The following TRAF3IP1 variants were observed in gnomAD, a reference collection of about 807,000 sequenced individuals.
TRAF3IP1 encodes TRAF3-interacting protein 1.
Under a neutral mutation model 89.9 loss-of-function variants are expected in TRAF3IP1, and 53 were observed. The ratio of observed to expected loss-of-function variants is 0.59; its 90% confidence interval spans 0.47 to 0.74. The LOEUF (loss-of-function observed/expected upper bound fraction) is 0.74, where lower values mean the gene tolerates loss of function less well. Ranked by LOEUF, TRAF3IP1 falls within the 30% of genes least tolerant of loss-of-function variation. TRAF3IP1 has a pLI of 0.00. For synonymous variants in TRAF3IP1, 311 were observed against 322.1 expected (o/e 0.97, Z 0.37); for missense variants, 806 against 866.1 (o/e 0.93, Z 0.87).
chr2:238,348,893 C>A, intron 11 of TRAF3IP1, 45 bp downstream of exon 11: 1 of 1,501,350 alleles, frequency 6.7e-7, no homozygotes, highest in Non-Finnish European at 9.3e-7. Flanking sequence ...GTGATCACAC[C>A]TAGGACACTG....
intron 15 of TRAF3IP1, among the ~76,000 whole-genome samples, chr2:238,364,066 CTCTG>C (rs1452626979): frequency 1.3e-5 from 2 of 152,178 alleles, no homozygotes; most frequent in Non-Finnish European, 2.9e-5. Flanking sequence ...CTTATTTTCT[CTCTG>C]TCTCATTAAA....
chr2:238,343,205 C>T (rs1312781879), intron 8 of TRAF3IP1, among the ~76,000 whole-genome samples: 1 of 152,072 alleles, frequency 6.6e-6, no homozygotes, highest in Non-Finnish European at 1.5e-5. Flanking sequence ...CCTGCCTTAG[C>T]CTCCCGAGTG....
At position 238,328,809 on chromosome 2, in the gene TRAF3IP1, A is replaced by G. The variant is rs529591562; in HGVS notation, c.478A>G (p.Arg160Gly). Residue 160 changes from arginine to glycine, a missense_variant, in exon 4 of 17, where the codon AGA becomes GGA. This residue lies in a region of TRAF3IP1 where 732 missense variants were observed against 780.5 expected (regional missense o/e 0.94). Transcript: ENST00000373327. ...DNKNVREEES[R>G]VHKNTEDRGD... ...TAAGAATGTGCGAGAAGAAGAGTCC[A>G]GAGTTCACAAAAATACAGAGGTGAA... 26 of 1,613,662 alleles carry G rather than the reference A, an allele frequency of 1.6e-5. No homozygotes were observed. The South Asian group carries it at 2.5e-4, about 16-fold the overall frequency.
At chr2:238,331,680 C>T (rs1050693379) in intron 5 of TRAF3IP1, among the ~76,000 whole-genome samples, 5 of 152,136 alleles carry the variant, frequency 3.3e-5, no homozygotes, top group African/African-American at 1.2e-4. Context: ...CTTCTGTGGA[C>T]GATCTGGGGG....
chr2:238,377,230 CTTTTTTTTTTTTT>C (rs71402784), intron 15 of TRAF3IP1, among the ~76,000 whole-genome samples: 1 of 86,716 alleles, frequency 1.2e-5, no homozygotes, highest in Non-Finnish European at 2.0e-5. Context: ...TCCTGATTTT[CTTTTTTTTTTTTT>C]TTTTTTTTTT....
intron 14 of TRAF3IP1, among the ~76,000 whole-genome samples, chr2:238,354,754 G>T (rs1233696673): frequency 6.6e-6 from 1 of 152,102 alleles, no homozygotes; most frequent in Non-Finnish European, 1.5e-5. Context: ...GGGGTCAAAA[G>T]ATTCTCCTGC....
intron 15 of TRAF3IP1, among the ~76,000 whole-genome samples, chr2:238,365,581 C>G (rs967307560): frequency 2.6e-5 from 4 of 152,020 alleles, no homozygotes; most frequent in African/African-American, 7.3e-5. Flanking sequence ...TGGCTTGAGC[C>G]CACAAGTTTG....
Position 238,344,555 on chromosome 2 carries a change from G to A in TRAF3IP1, c.1218G>A (p.Leu406=). ...TTTCAGATGATAATTCAGCTAGTCT[G>A]CGGTGTGAGAATATTCAGCCCAACC... is the stretch of plus-strand genomic sequence containing the variant. The part of the protein sequence containing the change: ...TSISDDNSAS[L]RCENIQPNPT... Residue 406 remains leucine (L), a synonymous_variant, in exon 9 of 17, where the codon CTG becomes CTA. Coordinates refer to ENST00000373327, the MANE Select transcript of TRAF3IP1 (RefSeq NM_015650.4). 6.2e-7 allele frequency: 1 copy of A among 1,614,206 alleles called. No homozygotes were observed. The highest frequency in any genetic ancestry group is 1.1e-5 in the South Asian group (1 of 91,084).
chr2:238,360,894 TC>T (rs1699628978), intron 15 of TRAF3IP1, among the ~76,000 whole-genome samples: 1 of 152,078 alleles, frequency 6.6e-6, no homozygotes, highest in South Asian at 2.1e-4. Flanking sequence ...AAATTTTTTT[TC>T]ATAGTTGTAA....
intron 8 of TRAF3IP1, among the ~76,000 whole-genome samples, chr2:238,339,741 C>T (rs187938764): frequency 6.6e-6 from 1 of 152,256 alleles, no homozygotes; most frequent in African/African-American, 2.4e-5. Flanking sequence ...GCCCCAGGCA[C>T]GCCGCGGTCT....
chr2:238,346,816 A>G (rs1698916422), intron 9 of TRAF3IP1, among the ~76,000 whole-genome samples: 1 of 152,152 alleles, frequency 6.6e-6, no homozygotes, highest in African/African-American at 2.4e-5. Flanking sequence ...AAGAGTGTGA[A>G]ACAGAGATTT....
At chr2:238,375,273 A>G (rs1700268533) in intron 15 of TRAF3IP1, among the ~76,000 whole-genome samples, 1 of 152,212 alleles carries the variant, frequency 6.6e-6, no homozygotes, top group Admixed American at 6.5e-5. Flanking sequence ...ATTTAGTGCT[A>G]TAAATTTCCC....
At chr2:238,332,973 G>C in intron 6 of TRAF3IP1, 78 bp downstream of exon 6, 1 of 1,066,806 alleles carries the variant, frequency 9.4e-7, no homozygotes, top group Non-Finnish European at 1.4e-6. Context: ...CGCTCCCCGG[G>C]TCCACTGAGG....
chr2:238,322,841 T>A (rs1312712996), intron 1 of TRAF3IP1, among the ~76,000 whole-genome samples: 1 of 152,116 alleles, frequency 6.6e-6, no homozygotes, highest in African/African-American at 2.4e-5. Flanking sequence ...TCTCTCCCTG[T>A]GTAAAGATAA....
rs765314759 is a variant in TRAF3IP1, at chr2:238,347,430, A to G, written c.1262-25A>G. ...ATTGAGGTTGACTACACGAAAGCTA[A>G]TTTTCTGATGTGCTTTTTCTTTAGG... On this transcript the variant is annotated intron_variant, in intron 9 of 16. Coordinates refer to ENST00000373327, the MANE Select transcript of TRAF3IP1 (RefSeq NM_015650.4). 8 of 1,613,896 alleles carry G rather than the reference A, an allele frequency of 5.0e-6. No homozygotes were observed. The South Asian group carries it at 7.7e-5, about 16-fold the overall frequency.
intron 15 of TRAF3IP1, among the ~76,000 whole-genome samples, chr2:238,392,105 C>A (rs756479577): frequency 6.6e-6 from 1 of 152,156 alleles, no homozygotes; most frequent in Non-Finnish European, 1.5e-5. Context: ...TGTGGTGGCA[C>A]GTGCCTGTAG....
chr2:238,363,940 A>G (rs751025817), intron 15 of TRAF3IP1, among the ~76,000 whole-genome samples: 16 of 152,190 alleles, frequency 1.1e-4, no homozygotes, highest in African/African-American at 4.8e-5. Flanking sequence ...AGCCTGGGCA[A>G]CAGAGCGAGA....
At chr2:238,363,688 G>T (rs1699752671) in intron 15 of TRAF3IP1, among the ~76,000 whole-genome samples, 1 of 152,124 alleles carries the variant, frequency 6.6e-6, no homozygotes, top group Admixed American at 6.6e-5. Flanking sequence ...CAGGCCAGGT[G>T]CGGTGGCTCA....
intron 15 of TRAF3IP1, among the ~76,000 whole-genome samples, chr2:238,380,092 C>T (rs1049756340): frequency 1.3e-5 from 2 of 152,218 alleles, no homozygotes; most frequent in African/African-American, 4.8e-5. Context: ...AGAGGTTCAT[C>T]TGCTCAGAGA....
Sources: gnomAD v4.1 joint callset for allele counts (sites outside exome capture counted in the v4.1 genomes callset) on GRCh38, gnomAD v4.1.1 for gene constraint, gnomAD v4.1.1 regional missense constraint, MANE v1.5 for transcripts, NCBI Gene and HGNC (gene_info 2026-07-23, HGNC 2026-07-21) for gene names.